The following MROH6 variants were observed in gnomAD, a reference collection of about 807,000 sequenced individuals.
MROH6 encodes the protein maestro heat-like repeat-containing protein family member 6.
In MROH6, 62 loss-of-function variants were observed where a neutral mutation model predicts 67.7. That is an observed-to-expected ratio of 0.92 (90% CI 0.75 to 1.13). The LOEUF (loss-of-function observed/expected upper bound fraction) is 1.13, where lower values mean the gene tolerates loss of function less well. MROH6 is among the 50% of genes most tolerant of loss of function. MROH6 has a pLI of 0.00. For synonymous variants in MROH6, 566 were observed against 470.8 expected (o/e 1.20, Z -2.62); for missense variants, 1,175 against 1,029.1 (o/e 1.14, Z -1.94).
At chr8:143,572,261 C>T (rs1168159767) in intron 1 of MROH6, 76 bp from the exon 2 acceptor site, 4 of 1,571,082 alleles carry the variant, frequency 2.5e-6, no homozygotes, top group Non-Finnish European at 3.5e-6. Flanking sequence ...GGCCTCCCAC[C>T]TGGCTTCCTA....
intron 6 of MROH6, 54 bp downstream of exon 6, chr8:143,570,189 G>A: frequency 1.9e-6 from 3 of 1,557,752 alleles, no homozygotes; most frequent in Non-Finnish European, 8.7e-7. Context: ...CACCTGGCCA[G>A]CAACGACTCT....
rs923212029 is a variant in MROH6 at position 143,567,289 on chromosome 8, G to A, written c.2110C>T (p.Arg704Cys). 8 of 1,222,244 alleles carry A rather than the reference G, an allele frequency of 6.5e-6. No homozygotes were observed. Among genetic ancestry groups the A allele is most frequent in the African/African-American group, 3.1e-5 (2 of 63,974 alleles). 75.7% of individuals were successfully genotyped at this position (1,222,244 alleles called of 1,614,324 possible). ...CCCCAGCGGCCCGCGACGCTCCGGC[G>A]CTGGAAGGGGCTGTCGGCGAAGACT... ...PPVFADSPFQ[R>C]RSVAGRWGCS... Residue 704 changes from arginine (R) to cysteine (C), a missense_variant, in exon 14 of 14, where the codon CGC becomes TGC. Arg to Cys is a radical substitution (Grantham distance 180). Transcript: ENST00000398882.
chr8:143,569,548 C>A lies in MROH6; in HGVS notation c.1369G>T (p.Val457Leu). The A allele has an allele frequency of 6.5e-7, 1 of 1,532,786 alleles. No homozygotes were observed. The highest frequency in any genetic ancestry group is 8.7e-7 in the Non-Finnish European group (1 of 1,145,856). 94.9% of individuals were successfully genotyped at this position (1,532,786 alleles called of 1,614,324 possible). A position where few individuals can be genotyped will look rare whatever the true frequency, so the allele number is the denominator to read the frequency against. The change falls in exon 9 of 14, where the codon GTG (valine) becomes TTG (leucine). Residue 457 changes from valine (V) to leucine (L), a missense_variant. Coordinates refer to ENST00000398882, the MANE Select transcript of MROH6 (RefSeq NM_001100878.2). ...CTCAGGGCGCCCAGCGCTGCACCCA[C>A]GAGCCGCGCGTCGCCTTCGCCCAGT... ...GALGEGDARL[V>L]GAALGALRRL...
At chr8:143,571,478 G>C (rs998331521) in intron 3 of MROH6, among the ~76,000 whole-genome samples, 189 bp downstream of exon 3, 1 of 152,350 alleles carries the variant, frequency 6.6e-6, no homozygotes, top group East Asian at 1.9e-4. Context: ...TGTGGCAGGA[G>C]TGTGGGGGGA....
rs147292525 is a variant in MROH6, at chr8:143,566,693, G to A, written c.*546C>T. 2,160 of 152,444 alleles carry A rather than the reference G, an allele frequency of 0.014. 63 individuals carry two copies. Among genetic ancestry groups the A allele is most frequent in the South Asian group, 0.12 (597 of 4,838 alleles). 9.4% of individuals were successfully genotyped at this position (152,444 alleles called of 1,614,324 possible). A position where few individuals can be genotyped will look rare whatever the true frequency, so the allele number is the denominator to read the frequency against. ...CCCATGAGGCCTGACATAATGAACAGGGGGTGATGATGGCCTGGCTGAGAG... is the reference window on the plus strand; with the variant it reads ...CCCATGAGGCCTGACATAATGAACAAGGGGTGATGATGGCCTGGCTGAGAG... On this transcript the variant is annotated 3_prime_UTR_variant, in exon 14 of 14. Coordinates refer to ENST00000398882, the MANE Select transcript of MROH6 (RefSeq NM_001100878.2).
rs752471867 is a variant in MROH6 at position 143,571,810 on chromosome 8, C to T, written c.459G>A (p.Leu153=). The change falls in exon 3 of 14, where the codon CTG becomes CTA. Residue 153 remains leucine (L), a synonymous_variant. Coordinates refer to ENST00000398882, the MANE Select transcript of MROH6 (RefSeq NM_001100878.2). The part of the protein sequence containing the change: ...GERLEDQVHA[L]VRGLLAQVPS... ...GCACCTGCGCCAGCAGCCCACGCAC[C>T]AGAGCATGCACCTGGTGGGGAAGGG... is the stretch of plus-strand genomic sequence containing the variant. 1.3e-5 allele frequency: 20 copies of T among 1,546,060 alleles called. No individual in the cohort carries two copies. Among genetic ancestry groups the T allele is most frequent in the Non-Finnish European group, 1.7e-5 (20 of 1,147,126 alleles).
chr8:143,571,729 C>T lies in MROH6; in HGVS notation c.540G>A (p.Leu180=). ...WRAALRVLSA[L]ALEHARDVVC... is the part of the protein sequence containing the mutation. ...CCACGTCCCGCGCATGCTCCAGGGC[C>T]AGTGCGCTCAGCACTCGCAGGGCCG... The change falls in exon 3 of 14, where the codon CTG becomes CTA. Residue 180 remains leucine (L), a synonymous_variant. Coordinates refer to ENST00000398882, the MANE Select transcript of MROH6 (RefSeq NM_001100878.2). 6.5e-7 allele frequency: 1 copy of T among 1,550,204 alleles called. No homozygotes were observed. Among genetic ancestry groups the T allele is most frequent in the Non-Finnish European group, 8.7e-7 (1 of 1,148,058 alleles).
Position 143,569,525 on chromosome 8 carries a change from C to A in MROH6, c.1392G>T (p.Leu464=). The A allele has an allele frequency of 6.6e-7, 1 of 1,506,196 alleles. No individual in the cohort carries two copies. Among genetic ancestry groups the A allele is most frequent in the Admixed American group, 2.2e-5 (1 of 46,434 alleles). The allele number at this position is 1,506,196 out of a possible 1,614,324, so 93.3% of individuals were successfully genotyped here. The stretch of plus-strand genomic sequence containing the variant: ...CCCGGGGCCGCAGCAGGAGCCTCCT[C>A]AGGGCGCCCAGCGCTGCACCCACGA... The part of the protein sequence containing the change: ...ARLVGAALGA[L]RRLLLRPRAP... The change falls in exon 9 of 14, where the codon CTG becomes CTT. Residue 464 remains leucine (L), a synonymous_variant. Transcript: ENST00000398882.
Position 143,567,254 on chromosome 8 carries a change from T to G in MROH6, c.2145A>C (p.Gly715=), listed in dbSNP as rs1048071059. 1 of 1,220,824 alleles carries G rather than the reference T, an allele frequency of 8.2e-7. No individual in the cohort carries two copies. Among genetic ancestry groups the G allele is most frequent in the Non-Finnish European group, 1.0e-6 (1 of 981,102 alleles). The allele number at this position is 1,220,824 out of a possible 1,614,324, so 75.6% of individuals were successfully genotyped here. A position where few individuals can be genotyped will look rare whatever the true frequency, so the allele number is the denominator to read the frequency against. The part of the protein sequence containing the change: ...RSVAGRWGCS[G]PRRA The stretch of plus-strand genomic sequence containing the variant: ...GCCCCGAGCCTCAGGCTCGGCGGGG[T>G]CCGGAGCAGCCCCAGCGGCCCGCGA... The change falls in exon 14 of 14, where the codon GGA becomes GGC. Residue 715 remains glycine (G), a synonymous_variant. Coordinates refer to ENST00000398882, the MANE Select transcript of MROH6 (RefSeq NM_001100878.2).
chr8:143,568,370 G>A (rs1823758326), intron 10 of MROH6, 109 bp from the exon 11 acceptor site: 6 of 1,468,472 alleles, frequency 4.1e-6, no homozygotes, highest in Middle Eastern at 2.2e-4. Flanking sequence ...AAGAGCCCAG[G>A]GCAGGAGACT....
chr8:143,568,297 G>A lies in MROH6; in HGVS notation c.1645-36C>T, dbSNP rs73715686. The A allele has an allele frequency of 6.5e-4, 1,027 of 1,576,886 alleles. 4 individuals carry two copies. The African/African-American group carries it at 0.012, about 18-fold the overall frequency. Reference sequence around the variant, plus strand: ...GGAAGTGAGCCGGGTCAGGGGTCCAGGAAGTAGAAAGGCAAAAGGTGGGGT... The same window carrying A: ...GGAAGTGAGCCGGGTCAGGGGTCCAAGAAGTAGAAAGGCAAAAGGTGGGGT... On this transcript the variant is annotated intron_variant, in intron 10 of 13. Coordinates refer to ENST00000398882, the MANE Select transcript of MROH6 (RefSeq NM_001100878.2).
In MROH6 at chr8:143,572,051, G is replaced by A. The variant is rs540910311; in HGVS notation, c.429C>T (p.Gly143=). The A allele has an allele frequency of 6.3e-5, 101 of 1,611,688 alleles. No homozygotes were observed. Among genetic ancestry groups the A allele is most frequent in the Admixed American group, 1.7e-5 (1 of 59,800 alleles). ...GGCTGACCTGGTCCTCCAACCGCTC[G>A]CCCCGGGCCTCCAGGGCTGAGGACA... The part of the protein sequence containing the change: ...LTLSSALEAR[G]ERLEDQVHAL... The change falls in exon 2 of 14, where the codon GGC becomes GGT. Residue 143 remains glycine, a synonymous_variant. Transcript: ENST00000398882.
In MROH6 at chr8:143,567,076, A is replaced by C; in HGVS notation, c.*163T>G. On this transcript the variant is annotated 3_prime_UTR_variant, in exon 14 of 14. Transcript: ENST00000398882. ...CTGGCTGTCCCCCTCTGTCACCATC[A>C]GGGTGGTGGGTGCCTGAAGAGGGGT... 1 of 236,670 alleles carries C rather than the reference A, an allele frequency of 4.2e-6. No homozygotes were observed. Among genetic ancestry groups the C allele is most frequent in the Non-Finnish European group, 6.6e-6 (1 of 150,904 alleles). 14.7% of individuals were successfully genotyped at this position (236,670 alleles called of 1,614,324 possible). A position where few individuals can be genotyped will look rare whatever the true frequency, so the allele number is the denominator to read the frequency against.
In MROH6 at chr8:143,568,708, TG is replaced by T; in HGVS notation, c.1487del (p.Ser496Ter). 1 of 1,493,230 alleles carries T rather than the reference TG, an allele frequency of 6.7e-7. No individual in the cohort carries two copies. The allele number at this position is 1,493,230 out of a possible 1,614,324, so 92.5% of individuals were successfully genotyped here. A position where few individuals can be genotyped will look rare whatever the true frequency, so the allele number is the denominator to read the frequency against. On this transcript the variant is annotated frameshift_variant, in exon 10 of 14. Transcript: ENST00000398882. LOFTEE classifies it high-confidence loss of function. ...GGAGCCCGACGGCCGAGGCGCGGAT[TG>T]AGTCCCGTGTCTGCGTGGGAGGGCG... ...LPPLLDDTRD[S>X]IRASAVGLLG... is the part of the protein sequence containing the mutation.
Position 143,567,373 on chromosome 8 carries a change from C to T in MROH6, c.2026G>A (p.Gly676Ser). The stretch of plus-strand genomic sequence containing the variant: ...AGAAGGCGGGGCCCGCGGGGGCAGC[C>T]CCGGGCACGGGCCAGCATCGCCACC... ...QQVAMLARARGCPRGPRLLRI... is the reference protein window; with the variant it reads ...QQVAMLARARSCPRGPRLLRI... The change falls in exon 14 of 14, where the codon GGC becomes AGC. Residue 676 changes from glycine (G) to serine (S), a missense_variant. By Grantham distance (56) the Gly-to-Ser change is moderately conservative. Coordinates refer to ENST00000398882, the MANE Select transcript of MROH6 (RefSeq NM_001100878.2). The T allele has an allele frequency of 8.1e-7, 1 of 1,234,940 alleles. No individual in the cohort carries two copies. The highest frequency in any genetic ancestry group is 3.7e-5 in the South Asian group (1 of 27,278). The allele number at this position is 1,234,940 out of a possible 1,614,324, so 76.5% of individuals were successfully genotyped here.
In MROH6 at chr8:143,572,487, A is replaced by G; in HGVS notation, c.228T>C (p.Pro76=). The G allele has an allele frequency of 6.2e-7, 1 of 1,603,790 alleles. No homozygotes were observed. ...EAEPGRGATV[P]EAGSEPCSLN... ...GGGAGCAGGGCTCGCTGCCAGCTTC[A>G]GGGACGGTGGCCCCACGTCCAGGCT... The change falls in exon 1 of 14, where the codon CCT becomes CCC. Residue 76 remains proline, a synonymous_variant. Transcript: ENST00000398882.
Position 143,572,591 on chromosome 8 carries a change from C to G in MROH6, c.124G>C (p.Gly42Arg). Reference protein sequence around the residue: ...QGQPQGPPSAGPQPKSWEVKP... With the variant: ...QGQPQGPPSARPQPKSWEVKP... ...ACCTCCCAGGACTTGGGCTGAGGGC[C>G]TGCGGAAGGGGGTCCCTGGGGCTGC... The change falls in exon 1 of 14, where the codon GGC (glycine) becomes CGC (arginine). Residue 42 changes from glycine (G) to arginine (R), a missense_variant. Physicochemically the swap from Gly to Arg is moderately radical, Grantham distance 125. Coordinates refer to ENST00000398882, the MANE Select transcript of MROH6 (RefSeq NM_001100878.2). 6.2e-7 allele frequency: 1 copy of G among 1,601,952 alleles called. No homozygotes were observed.
chr8:143,567,242 G>C lies in MROH6; in HGVS notation c.2157C>G (p.Ala719=). ...GRWGCSGPRR[A] is the part of the protein sequence containing the mutation. ...CCTCGGGCCCCAGCCCCGAGCCTCAGGCTCGGCGGGGTCCGGAGCAGCCCC... is the reference window on the plus strand; with the variant it reads ...CCTCGGGCCCCAGCCCCGAGCCTCACGCTCGGCGGGGTCCGGAGCAGCCCC... The change falls in exon 14 of 14, where the codon GCC becomes GCG. Residue 719 remains alanine (A), a synonymous_variant. Coordinates refer to ENST00000398882, the MANE Select transcript of MROH6 (RefSeq NM_001100878.2). 8.2e-7 allele frequency: 1 copy of C among 1,221,274 alleles called. No homozygotes were observed. The allele number at this position is 1,221,274 out of a possible 1,614,324, so 75.7% of individuals were successfully genotyped here. A position where few individuals can be genotyped will look rare whatever the true frequency, so the allele number is the denominator to read the frequency against.
rs1308426750 is a variant in MROH6, at chr8:143,567,684, A to C, written c.1868-8T>G. 2 of 1,579,336 alleles carry C rather than the reference A, an allele frequency of 1.3e-6. No homozygotes were observed. The highest frequency in any genetic ancestry group is 1.7e-6 in the Non-Finnish European group (2 of 1,163,448). ...CGTGGTGGACAAGGAAGCCTGGACC[A>C]CAGCAGATGCATGAGTGCAGGCCCC... is the stretch of plus-strand genomic sequence containing the variant. On this transcript the variant is annotated splice_polypyrimidine_tract_variant and splice_region_variant and intron_variant, in intron 12 of 13. Transcript: ENST00000398882.
Sources: gnomAD v4.1 joint callset for allele counts (sites outside exome capture counted in the v4.1 genomes callset) on GRCh38, gnomAD v4.1.1 for gene constraint, MANE v1.5 for transcripts, NCBI Gene and HGNC (gene_info 2026-07-23, HGNC 2026-07-21) for gene names.